Variants in SLC35F4 observed in about 807,000 individuals in gnomAD.
SLC35F4 encodes the protein chromosome 14 open reading frame 36.
In SLC35F4, 24 loss-of-function variants were observed where a neutral mutation model predicts 44.2. The ratio of observed to expected loss-of-function variants is 0.54; its 90% CI spans 0.39 to 0.76. The LOEUF (loss-of-function observed/expected upper bound fraction) is 0.76. Among genes scored for constraint, SLC35F4 ranks in the 30% least tolerant of loss-of-function variants. The pLI is 0.00. For missense variants in SLC35F4, 562 were observed against 586.1 expected (o/e 0.96, Z 0.42); for synonymous variants, 238 against 223.6 (o/e 1.06, Z -0.57).
At chr14:57,858,554 T>C (rs553745341) in intron 1 of SLC35F4, among the ~76,000 whole-genome samples, 125 of 151,706 alleles carry the variant, frequency 8.2e-4, no homozygotes, top group Non-Finnish European at 1.5e-3. Flanking sequence ...TGGGGAGGGA[T>C]AGCATTAGGA....
chr14:57,954,804 A>C (rs1890206135), intron 1 of SLC35F4, among the ~76,000 whole-genome samples: 1 of 152,120 alleles, frequency 6.6e-6, no homozygotes, highest in Non-Finnish European at 1.5e-5. Flanking sequence ...ACCAAAAAAA[A>C]AGCCCAGGAC....
At chr14:57,684,510 C>G (rs79868688) in intron 1 of SLC35F4, among the ~76,000 whole-genome samples, 22,543 of 152,172 alleles carry the variant, frequency 0.15, 1,908 homozygotes, top group East Asian at 0.29. Flanking sequence ...TGCCGCCACT[C>G]ATCTGAGAGG....
In SLC35F4 at chr14:57,909,589, G is replaced by A. The variant is rs550194559; in HGVS notation, n.282+72324C>T. 4.2e-4 allele frequency among the ~76,000 whole-genome samples: 63 copies of A among 150,006 alleles called. 1 individual carries two copies. The South Asian group carries it at 4.6e-3, about 11-fold the overall frequency. On this transcript the variant is annotated intron_variant and non_coding_transcript_variant, in intron 1 of 1. Transcript: ENST00000556568. ...ACACACACACACAAACACACAGATC[G>A]GTTTCTTTTCATTATTAATATGCAT...
intron 1 of SLC35F4, among the ~76,000 whole-genome samples, chr14:57,875,989 G>A (rs1434589265): frequency 6.6e-6 from 1 of 152,194 alleles, no homozygotes; most frequent in East Asian, 1.9e-4. Flanking sequence ...TGGGTTAACA[G>A]AAGCAATGTG....
rs569671702 is a variant in SLC35F4 at position 57,675,136 on chromosome 14, G to A, written c.104-81012C>T. On this transcript the variant is annotated intron_variant, in intron 1 of 7. Coordinates refer to ENST00000556826, the MANE Select transcript of SLC35F4 (RefSeq NM_001306087.2). ...CAGTGCTTTCCTCTGGTGGTGGTTA[G>A]AGGAGGTAGTGGTGGTAGGGAACTT... is the stretch of plus-strand genomic sequence containing the variant. Among the ~76,000 whole-genome samples the A allele has an allele frequency of 1.1e-4, 17 of 152,214 alleles. 1 individual carries two copies. Among genetic ancestry groups the A allele is most frequent in the South Asian group, 6.2e-4 (3 of 4,830 alleles).
rs1329564538 is a variant in SLC35F4, at chr14:57,750,120, AAGAG to A, written c.103+115599_103+115602del. Among the ~76,000 whole-genome samples the A allele has an allele frequency of 1.1e-3, 172 of 152,198 alleles. 1 individual carries two copies. Among genetic ancestry groups the A allele is most frequent in the African/African-American group, 3.9e-3 (163 of 41,536 alleles). ...ATGTACACATTTTTAGCACCCACTT[AAGAG>A]TGAAAACATGCGGTATTTGTCTTTC... is the stretch of plus-strand genomic sequence containing the variant. On this transcript the variant is annotated intron_variant, in intron 1 of 7. Transcript: ENST00000556826.
At chr14:57,615,620 T>C (rs902608474) in intron 1 of SLC35F4, among the ~76,000 whole-genome samples, 2 of 151,980 alleles carry the variant, frequency 1.3e-5, no homozygotes, top group Non-Finnish European at 2.9e-5. Flanking sequence ...ACATTTTCTT[T>C]GAAAAAAAAT....
At chr14:57,749,026 G>T (rs2076822847) in intron 1 of SLC35F4, among the ~76,000 whole-genome samples, 1 of 152,098 alleles carries the variant, frequency 6.6e-6, no homozygotes, top group South Asian at 2.1e-4. Context: ...AAGGCCCAGA[G>T]AAAAACTTAT....
intron 1 of SLC35F4, among the ~76,000 whole-genome samples, chr14:57,666,260 T>A (rs1458991756): frequency 6.6e-6 from 1 of 152,236 alleles, no homozygotes; most frequent in Non-Finnish European, 1.5e-5. Context: ...AGAACTTGAA[T>A]TTAGGTATTC....
intron 1 of SLC35F4, among the ~76,000 whole-genome samples, chr14:57,761,431 T>C (rs554970576): frequency 6.6e-6 from 1 of 152,158 alleles, no homozygotes; most frequent in Non-Finnish European, 1.5e-5. Context: ...ACAAGGAAAA[T>C]TGTAAAAATA....
chr14:57,727,620 C>G (rs2076237251), intron 1 of SLC35F4, among the ~76,000 whole-genome samples: 1 of 152,050 alleles, frequency 6.6e-6, no homozygotes, highest in Admixed American at 6.6e-5. Flanking sequence ...ACACAATTTC[C>G]AATTTCTTCC....
rs559518813 is a variant in SLC35F4, at chr14:57,840,921, C to T, written c.103+24802G>A. Among the ~76,000 whole-genome samples the T allele has an allele frequency of 5.9e-5, 9 of 152,266 alleles. No individual in the cohort carries two copies. In the South Asian group the frequency reaches 1.9e-3, roughly 32 times the overall value. On this transcript the variant is annotated intron_variant, in intron 1 of 7. Transcript: ENST00000556826. Reference sequence around the variant, plus strand: ...AGAAAAGTGCACATCAATTTATGCACATATTGTTAGATTAAGAATCTCTCA... The same window carrying T: ...AGAAAAGTGCACATCAATTTATGCATATATTGTTAGATTAAGAATCTCTCA...
At chr14:57,847,494 T>C (rs1340779261) in intron 1 of SLC35F4, among the ~76,000 whole-genome samples, 1 of 152,174 alleles carries the variant, frequency 6.6e-6, no homozygotes, top group African/African-American at 2.4e-5. Context: ...ATTTGAAAAA[T>C]ATTTTCTTCA....
intron 1 of SLC35F4, among the ~76,000 whole-genome samples, chr14:57,762,212 AC>A: frequency 6.6e-6 from 1 of 151,966 alleles, no homozygotes; most frequent in East Asian, 1.9e-4. Context: ...TCCCTCCCAA[AC>A]TCTCCCAGTG....
intron 1 of SLC35F4, among the ~76,000 whole-genome samples, chr14:57,816,783 C>T (rs971164286): frequency 6.6e-6 from 1 of 152,192 alleles, no homozygotes; most frequent in Non-Finnish European, 1.5e-5. Context: ...CCACTGTTAC[C>T]TCCTTTGAGT....
chr14:57,782,340 T>C (rs1412504370), intron 1 of SLC35F4, among the ~76,000 whole-genome samples: 1 of 150,262 alleles, frequency 6.7e-6, no homozygotes, highest in Non-Finnish European at 1.5e-5. Context: ...TTGCAACAAT[T>C]TGAAAAACTC....
intron 6 of SLC35F4, among the ~76,000 whole-genome samples, chr14:57,568,587 T>C (rs1454223378): frequency 1.3e-5 from 2 of 152,192 alleles, no homozygotes; most frequent in African/African-American, 4.8e-5. Context: ...TAATGTTTGA[T>C]CCTTCTCTTG....
intron 1 of SLC35F4, among the ~76,000 whole-genome samples, chr14:57,950,374 G>A (rs1175912029): frequency 1.3e-5 from 2 of 151,836 alleles, no homozygotes; most frequent in African/African-American, 4.8e-5. Flanking sequence ...ATTTCCAGAA[G>A]CTGTGATTGT....
chr14:57,721,216 T>G (rs1483416294), intron 1 of SLC35F4, among the ~76,000 whole-genome samples: 2 of 151,762 alleles, frequency 1.3e-5, no homozygotes, highest in Non-Finnish European at 2.9e-5. Flanking sequence ...GGTCTCTCCT[T>G]TAATAGTATG....
Sources: gnomAD v4.1 joint callset for allele counts (sites outside exome capture counted in the v4.1 genomes callset) on GRCh38, gnomAD v4.1.1 for gene constraint, MANE v1.5 for transcripts, NCBI Gene and HGNC (gene_info 2026-07-23, HGNC 2026-07-21) for gene names.